CPNE4: variants seen among roughly 807,000 people sequenced by gnomAD.
CPNE4 encodes the protein copine 4.
A neutral mutation model predicts 67.9 loss-of-function variants in CPNE4; 25 were observed. The ratio of observed to expected loss-of-function variants is 0.37; its 90% CI spans 0.27 to 0.51. The LOEUF is 0.51. CPNE4 is among the 20% of genes least tolerant of loss of function. CPNE4 has a pLI of 0.93. For missense variants in CPNE4, 464 were observed against 690.8 expected (o/e 0.67, Z 3.68); for synonymous variants, 242 against 244.9 (o/e 0.99, Z 0.11).
intron 6 of CPNE4, among the ~76,000 whole-genome samples, chr3:131,671,810 G>A (rs1371117031): frequency 6.6e-6 from 1 of 151,892 alleles, no homozygotes; most frequent in Non-Finnish European, 1.5e-5. Context: ...TATCCTTTAT[G>A]TTAGAAACAT....
At chr3:131,718,327 C>T (rs2081790655) in intron 3 of CPNE4, among the ~76,000 whole-genome samples, 1 of 152,094 alleles carries the variant, frequency 6.6e-6, no homozygotes, top group African/African-American at 2.4e-5. Flanking sequence ...TGTCCTTTCC[C>T]CAGTTAGGAC....
At chr3:131,550,330 T>C (rs1337830951) in intron 13 of CPNE4, among the ~76,000 whole-genome samples, 1 of 152,118 alleles carries the variant, frequency 6.6e-6, no homozygotes, top group Non-Finnish European at 1.5e-5. Flanking sequence ...TATCCTACTT[T>C]ATATATAAGA....
chr3:131,876,049 AC>A (rs2087432302), intron 2 of CPNE4, among the ~76,000 whole-genome samples: 1 of 152,098 alleles, frequency 6.6e-6, no homozygotes. Flanking sequence ...TTTACCAATA[AC>A]AAAAACACAT....
chr3:131,653,785 G>C (rs57667133), intron 7 of CPNE4, among the ~76,000 whole-genome samples: 3,417 of 152,258 alleles, frequency 0.022, 122 homozygotes, highest in African/African-American at 0.076. Context: ...ACTTGAAGTA[G>C]GAAGCCTACT....
chr3:132,011,112 G>A (rs1583595256), intron 1 of CPNE4, among the ~76,000 whole-genome samples: 1 of 152,162 alleles, frequency 6.6e-6, no homozygotes, highest in Admixed American at 6.5e-5. Flanking sequence ...CCCATAGGGC[G>A]ACTTTGTGCA....
chr3:131,566,431 GAAA>G (rs559494454), intron 10 of CPNE4, among the ~76,000 whole-genome samples: 11 of 137,232 alleles, frequency 8.0e-5, no homozygotes, highest in East Asian at 4.2e-4. Context: ...AACCCACCAG[GAAA>G]AAAAAAAAAA....
At chr3:131,980,352 T>A (rs755460371) in intron 1 of CPNE4, among the ~76,000 whole-genome samples, 8 of 152,184 alleles carry the variant, frequency 5.3e-5, no homozygotes, top group Non-Finnish European at 1.0e-4. Flanking sequence ...TTTGATTGTT[T>A]AACATAATCC....
chr3:131,621,967 C>T (rs764044719), intron 7 of CPNE4, among the ~76,000 whole-genome samples: 6 of 139,934 alleles, frequency 4.3e-5, no homozygotes, highest in East Asian at 4.2e-4. Context: ...TGCAGGGAGC[C>T]GAGATTGTGC....
chr3:132,037,003 A>G (rs1015882179), upstream of CPNE4, among the ~76,000 whole-genome samples: 10 of 152,228 alleles, frequency 6.6e-5, no homozygotes, highest in African/African-American at 2.4e-4. Context: ...TGAAATGACC[A>G]GACCAGGGAA....
intron 6 of CPNE4, among the ~76,000 whole-genome samples, chr3:131,677,959 T>C (rs1353430392): frequency 6.6e-6 from 1 of 152,222 alleles, no homozygotes; most frequent in Non-Finnish European, 1.5e-5. Flanking sequence ...ATTTTTCTAG[T>C]TCTGTGAAGA....
chr3:131,863,629 T>C (rs146668383), intron 2 of CPNE4, among the ~76,000 whole-genome samples: 11,619 of 152,200 alleles, frequency 0.076, 577 homozygotes, highest in East Asian at 0.17. Context: ...GAGTAGGTTG[T>C]GAAAATTTTC....
chr3:131,680,571 C>G (rs956720774), intron 6 of CPNE4, among the ~76,000 whole-genome samples: 1 of 152,026 alleles, frequency 6.6e-6, no homozygotes, highest in Middle Eastern at 3.2e-3. Context: ...AATTTCCTTT[C>G]ATAGAAAGAA....
At chr3:131,636,176 C>T (rs893539779) in intron 7 of CPNE4, among the ~76,000 whole-genome samples, 3 of 152,050 alleles carry the variant, frequency 2.0e-5, no homozygotes, top group Non-Finnish European at 4.4e-5. Flanking sequence ...TGCAGGCTCC[C>T]TGAGATGCCA....
At chr3:131,764,425 T>G (rs1358180491) in intron 2 of CPNE4, among the ~76,000 whole-genome samples, 2 of 152,152 alleles carry the variant, frequency 1.3e-5, no homozygotes, top group Non-Finnish European at 2.9e-5. Context: ...ATTATTGTTA[T>G]GAAGAAATTA....
At chr3:131,836,413 G>A (rs2085558813) in intron 2 of CPNE4, among the ~76,000 whole-genome samples, 1 of 152,136 alleles carries the variant, frequency 6.6e-6, no homozygotes, top group African/African-American at 2.4e-5. Flanking sequence ...ACACCCATTT[G>A]TGCTAAAAAC....
chr3:131,555,756 C>T (rs1936427254), intron 11 of CPNE4, among the ~76,000 whole-genome samples: 1 of 152,138 alleles, frequency 6.6e-6, no homozygotes, highest in South Asian at 2.1e-4. Context: ...AAGTTCATTA[C>T]AGTCATTAGT....
chr3:131,816,398 G>C (rs2084744677), intron 2 of CPNE4, among the ~76,000 whole-genome samples: 1 of 152,078 alleles, frequency 6.6e-6, no homozygotes, highest in Non-Finnish European at 1.5e-5. Context: ...GACTCATTTT[G>C]AAAAGTTTAA....
chr3:131,740,378 A>G (rs528011631), intron 2 of CPNE4, among the ~76,000 whole-genome samples: 22 of 152,324 alleles, frequency 1.4e-4, no homozygotes, highest in Admixed American at 9.1e-4. Context: ...TCTCCCCTGA[A>G]CATCTTTTGA....
At chr3:132,031,303 ACTGAATGGAT>A (rs2074229140) in intron 1 of CPNE4, among the ~76,000 whole-genome samples, 2 of 152,220 alleles carry the variant, frequency 1.3e-5, no homozygotes, top group Admixed American at 6.5e-5. Context: ...ACTTTGGGTT[ACTGAATGGAT>A]CTGCAAAGGT....
Sources: gnomAD v4.1 joint callset for allele counts (sites outside exome capture counted in the v4.1 genomes callset) on GRCh38, gnomAD v4.1.1 for gene constraint, MANE v1.5 for transcripts, NCBI Gene and HGNC (gene_info 2026-07-23, HGNC 2026-07-21) for gene names.